Variants in PGM3 observed in about 807,000 individuals in gnomAD.
The protein encoded by PGM3 is phosphoglucomutase 3, also known as phosphoacetylglucosamine mutase.
A neutral mutation model predicts 66.2 loss-of-function variants in PGM3; 40 were observed. The observed-to-expected ratio is 0.60, with a 90% CI of 0.47 to 0.79. PGM3 has a LOEUF of 0.79. PGM3 is among the 30% of genes least tolerant of loss of function. The pLI, the probability that PGM3 is intolerant of heterozygous loss-of-function variation, is 0.00. For synonymous variants in PGM3, 191 were observed against 224.2 expected (o/e 0.85, Z 1.32); for missense variants, 537 against 643.4 (o/e 0.83, Z 1.79).
In PGM3 at chr6:83,166,538, A is replaced by G; in HGVS notation, c.*2696T>C. On this transcript the variant is annotated 3_prime_UTR_variant, in exon 13 of 13. Coordinates refer to ENST00000513973, the MANE Select transcript of PGM3 (RefSeq NM_015599.3). ...CATTTCCATAGTCTAAAATAAATATAAACAGCAATAAGTCATTAGCAAAAA... is the reference window on the plus strand; with the variant it reads ...CATTTCCATAGTCTAAAATAAATATGAACAGCAATAAGTCATTAGCAAAAA... The G allele has an allele frequency of 1.5e-6, 1 of 669,440 alleles. No homozygotes were observed. Among genetic ancestry groups the G allele is most frequent in the Admixed American group, 2.2e-5 (1 of 44,602 alleles). 41.5% of individuals were successfully genotyped at this position (669,440 alleles called of 1,614,324 possible). A position where few individuals can be genotyped will look rare whatever the true frequency, so the allele number is the denominator to read the frequency against.
chr6:83,174,335 TA>T, intron 10 of PGM3, 38 bp downstream of exon 10: 1 of 1,050,298 alleles, frequency 9.5e-7, no homozygotes, highest in South Asian at 1.3e-5. Context: ...CTGAATAATG[TA>T]AAGGTAACCA....
intron 8 of PGM3, 31 bp downstream of exon 8, chr6:83,178,642 A>ATC: frequency 8.1e-7 from 1 of 1,227,032 alleles, no homozygotes; most frequent in Non-Finnish European, 1.2e-6. Context: ...CTTAATTAAG[A>ATC]AACTACCAGA....
intron 9 of PGM3, among the ~76,000 whole-genome samples, chr6:83,175,335 T>C (rs1787677458): frequency 6.6e-6 from 1 of 152,202 alleles, no homozygotes. Context: ...TAGGAACTTA[T>C]TTTTCCCCTT....
chr6:83,170,334 C>A lies in PGM3; in HGVS notation c.1510G>T (p.Val504Phe), dbSNP rs529906310. Residue 504 changes from valine to phenylalanine, a missense_variant, in exon 12 of 13, where the codon GTC becomes TTC. Coordinates refer to ENST00000513973, the MANE Select transcript of PGM3 (RefSeq NM_015599.3). ...FVRPSGTEDVVRVYAEADSQE... is the reference protein window; with the variant it reads ...FVRPSGTEDVFRVYAEADSQE... ...GAGTCTGCTTCTGCATATACTCGGA[C>A]GACATCTTCTGTACCAGAGGGCCGG... is the stretch of plus-strand genomic sequence containing the variant. The A allele has an allele frequency of 1.2e-6, 2 of 1,614,140 alleles. No homozygotes were observed. Among genetic ancestry groups the A allele is most frequent in the Middle Eastern group, 3.3e-4 (2 of 6,062 alleles).
rs1200409850 is a variant in PGM3, at chr6:83,168,911, G to A, written c.*323C>T. ...GATGGCAAAGATATCACAAGGAGTT[G>A]GTAATAAGATTTAATTTTCCAGTAG... On this transcript the variant is annotated 3_prime_UTR_variant, in exon 13 of 13. Coordinates refer to ENST00000513973, the MANE Select transcript of PGM3 (RefSeq NM_015599.3). The A allele has an allele frequency of 4.6e-6, 5 of 1,081,690 alleles. No homozygotes were observed. The highest frequency in any genetic ancestry group is 5.6e-6 in the Non-Finnish European group (5 of 888,386). 67.0% of individuals were successfully genotyped at this position (1,081,690 alleles called of 1,614,324 possible). A position where few individuals can be genotyped will look rare whatever the true frequency, so the allele number is the denominator to read the frequency against.
At chr6:83,158,545 T>G (rs1783392941), downstream of PGM3, 1 of 1,567,816 alleles carries the variant, frequency 6.4e-7, no homozygotes, top group Non-Finnish European at 8.7e-7. Context: ...TAAATAAACA[T>G]TTAACATTTC....
chr6:83,148,933 G>T, the PGM3 span: 7 of 915,726 alleles, frequency 7.6e-6, no homozygotes, highest in East Asian at 1.8e-4. Flanking sequence ...CCAAGTATTA[G>T]TAATAGATAT....
At chr6:83,153,902 A>C in the PGM3 span, 3 of 1,611,578 alleles carry the variant, frequency 1.9e-6, no homozygotes, top group Non-Finnish European at 2.5e-6. Context: ...AGTGCACATA[A>C]TGCCCCTAGT....
the PGM3 span, among the ~76,000 whole-genome samples, chr6:83,152,966 C>G: frequency 6.6e-6 from 1 of 152,128 alleles, no homozygotes; most frequent in South Asian, 2.1e-4. Flanking sequence ...ATGTATTTTA[C>G]AATTTACCAA....
intron 12 of PGM3, 144 bp downstream of exon 12, chr6:83,170,161 A>AATT: frequency 1.5e-6 from 1 of 675,916 alleles, no homozygotes. Flanking sequence ...TGGTGAAAAT[A>AATT]ATTTTGTAGT....
At position 83,177,405 on chromosome 6, in the gene PGM3, A is replaced by G. The variant is rs559799143; in HGVS notation, c.1029+1268T>C. On this transcript the variant is annotated intron_variant, in intron 8 of 12. Transcript: ENST00000513973. Reference sequence around the variant, plus strand: ...GTCACCTGGTGGACACCGGGGAAATAATTAGAAACAGAATCTCCCACCACC... The same window carrying G: ...GTCACCTGGTGGACACCGGGGAAATGATTAGAAACAGAATCTCCCACCACC... Among the ~76,000 whole-genome samples, 4 of 152,236 alleles carry G rather than the reference A, an allele frequency of 2.6e-5. No individual in the cohort carries two copies. The South Asian group carries it at 6.2e-4, about 24-fold the overall frequency.
the PGM3 span, chr6:83,152,213 C>T: frequency 9.7e-6 from 3 of 308,980 alleles, no homozygotes; most frequent in Non-Finnish European, 1.5e-5. Flanking sequence ...AAAAATAATA[C>T]ACACACACAC....
chr6:83,191,738 T>C (rs1001152535), intron 1 of PGM3, among the ~76,000 whole-genome samples: 3 of 151,978 alleles, frequency 2.0e-5, no homozygotes, highest in African/African-American at 4.8e-5. Flanking sequence ...CCAGTAATCT[T>C]AGCACTTTGA....
chr6:83,156,143 G>A, the PGM3 span: 2 of 1,540,056 alleles, frequency 1.3e-6, no homozygotes, highest in African/African-American at 2.8e-5. Context: ...TCTAACTACA[G>A]GTTTTTGGTT....
downstream of PGM3, among the ~76,000 whole-genome samples, chr6:83,159,025 T>C (rs1269355698): frequency 6.6e-6 from 1 of 152,182 alleles, no homozygotes; most frequent in East Asian, 1.9e-4. Flanking sequence ...TTATTCTTTT[T>C]AATAGAGGCA....
chr6:83,167,274 T>TA lies in PGM3; in HGVS notation c.*1959dup, dbSNP rs1033924101. ...TGACTCCAGGTCCAGCTTTCCTCCC[T>TA]ATGTTGTTTAGCACAACCCAGAAGG... On this transcript the variant is annotated 3_prime_UTR_variant, in exon 13 of 13. Transcript: ENST00000513973. The TA allele has an allele frequency of 1.0e-6, 1 of 984,948 alleles. No individual in the cohort carries two copies. Among genetic ancestry groups the TA allele is most frequent in the African/African-American group, 1.7e-5 (1 of 57,362 alleles). The allele number at this position is 984,948 out of a possible 1,614,324, so 61.0% of individuals were successfully genotyped here.
intron 11 of PGM3, among the ~76,000 whole-genome samples, chr6:83,171,505 GTT>G (rs1232366483): frequency 6.6e-6 from 1 of 150,984 alleles, no homozygotes. Flanking sequence ...TTCTTTTTTT[GTT>G]TTGAGACGGA....
At chr6:83,164,741 T>TTA (rs1309136255), downstream of PGM3, 1 of 1,572,200 alleles carries the variant, frequency 6.4e-7, no homozygotes, top group Non-Finnish European at 8.6e-7. Context: ...TGTTTCATGC[T>TTA]TATGATATGG....
chr6:83,156,595 T>C (rs1005516588), downstream of PGM3, among the ~76,000 whole-genome samples: 1 of 152,172 alleles, frequency 6.6e-6, no homozygotes, highest in African/African-American at 2.4e-5. Context: ...AGTACACGTG[T>C]CATCACCCTG....
Sources: gnomAD v4.1 joint callset for allele counts (sites outside exome capture counted in the v4.1 genomes callset) on GRCh38, gnomAD v4.1.1 for gene constraint, MANE v1.5 for transcripts, NCBI Gene and HGNC (gene_info 2026-07-23, HGNC 2026-07-21) for gene names.